The following ATP2B2 variants were observed in gnomAD, a reference collection of about 807,000 sequenced individuals.
ATP2B2 encodes ATPase plasma membrane Ca2+ transporting 2.
ATP2B2 carries 15 observed loss-of-function variants against 120.0 expected under a neutral mutation model. The observed-to-expected ratio is 0.12, with a 90% CI of 0.08 to 0.19. The LOEUF is 0.19. Among genes scored for constraint, ATP2B2 ranks in the 10% least tolerant of loss-of-function variants. The pLI is 1.00. For synonymous variants in ATP2B2, 694 were observed against 700.3 expected (o/e 0.99, Z 0.14); for missense variants, 1,045 against 1,719.8 (o/e 0.61, Z 6.94).
intron 1 of ATP2B2, among the ~76,000 whole-genome samples, chr3:10,454,489 G>A (rs909651509): frequency 6.6e-6 from 1 of 152,172 alleles, no homozygotes; most frequent in African/African-American, 2.4e-5. Flanking sequence ...CCCTGAAGGC[G>A]ACTGATCTCA....
At chr3:10,504,271 C>T (rs1318496333) in intron 1 of ATP2B2, among the ~76,000 whole-genome samples, 1 of 152,142 alleles carries the variant, frequency 6.6e-6, no homozygotes, top group African/African-American at 2.4e-5. Flanking sequence ...TCCAAGCCCC[C>T]TCCTACTGCA....
chr3:10,602,965 C>T (rs2068963311), intron 2 of ATP2B2, among the ~76,000 whole-genome samples: 1 of 152,234 alleles, frequency 6.6e-6, no homozygotes, highest in Admixed American at 6.5e-5. Flanking sequence ...AACTTCTCAG[C>T]ACCCTCTCTT....
chr3:10,587,800 C>T (rs75973428), intron 2 of ATP2B2, among the ~76,000 whole-genome samples: 129 of 152,124 alleles, frequency 8.5e-4, no homozygotes, highest in East Asian at 4.4e-3. Flanking sequence ...GCTCTTAGTG[C>T]GTAGAAACAA....
intron 3 of ATP2B2, among the ~76,000 whole-genome samples, chr3:10,406,996 C>T (rs1227941244): frequency 1.3e-5 from 2 of 152,236 alleles, no homozygotes; most frequent in East Asian, 3.8e-4. Flanking sequence ...GTGCTGCCAC[C>T]ATGTTGTATT....
intron 1 of ATP2B2, among the ~76,000 whole-genome samples, chr3:10,504,567 C>CA (rs1052104842): frequency 6.6e-6 from 1 of 151,932 alleles, no homozygotes; most frequent in Non-Finnish European, 1.5e-5. Context: ...AGAGCACCCC[C>CA]CCAACCCCCA....
At chr3:10,688,533 AT>A (rs1343247335) in intron 1 of ATP2B2, among the ~76,000 whole-genome samples, 1 of 152,190 alleles carries the variant, frequency 6.6e-6, no homozygotes, top group African/African-American at 2.4e-5. Context: ...GTCCAACTCC[AT>A]TTTAGTTATA....
At chr3:10,355,795 C>CCTGAGGCAGGGAGGCA (rs1574995047) in intron 14 of ATP2B2, among the ~76,000 whole-genome samples, 183 of 29,380 alleles carry the variant, frequency 6.2e-3, no homozygotes, top group East Asian at 0.25. Context: ...CCTTTCCGGC[C>CCTGAGGCAGGGAGGCA]GGGCGCGGTG....
In ATP2B2 at chr3:10,359,817, CT is replaced by C. The variant is rs1000913367; in HGVS notation, c.1901+64del. 90 of 1,609,926 alleles carry C rather than the reference CT, an allele frequency of 5.6e-5. No homozygotes were observed. The African/African-American group carries it at 1.0e-3, about 18-fold the overall frequency. On this transcript the variant is annotated intron_variant, in intron 13 of 22. Coordinates refer to ENST00000360273, the MANE Select transcript of ATP2B2 (RefSeq NM_001001331.4). Reference sequence around the variant, plus strand: ...GGATGGCGGCCAGTGCTATATGACCCTGACATCCCCAGCTCCCTGCACCAGG... The same window carrying C: ...GGATGGCGGCCAGTGCTATATGACCCGACATCCCCAGCTCCCTGCACCAGG...
chr3:10,464,504 C>T (rs1303267053), intron 1 of ATP2B2, among the ~76,000 whole-genome samples: 1 of 152,148 alleles, frequency 6.6e-6, no homozygotes, highest in Non-Finnish European at 1.5e-5. Context: ...AGCTCCACAC[C>T]ATAGCATGAC....
intron 1 of ATP2B2, among the ~76,000 whole-genome samples, chr3:10,670,226 G>A (rs899964489): frequency 7.2e-5 from 11 of 152,222 alleles, no homozygotes; most frequent in Non-Finnish European, 1.2e-4. Flanking sequence ...TTCGCTGGAG[G>A]ATGCTGCTTG....
intron 12 of ATP2B2, among the ~76,000 whole-genome samples, chr3:10,366,175 C>T (rs574741186): frequency 2.6e-5 from 4 of 152,250 alleles, no homozygotes; most frequent in African/African-American, 7.2e-5. Context: ...GAGGCTCACT[C>T]GAATATTAGA....
intron 2 of ATP2B2, among the ~76,000 whole-genome samples, chr3:10,593,904 G>A (rs567677626): frequency 6.6e-6 from 1 of 152,110 alleles, no homozygotes; most frequent in Non-Finnish European, 1.5e-5. Flanking sequence ...CAAGTGGGCG[G>A]AGGATATGAA....
chr3:10,386,412 A>G, intron 7 of ATP2B2, 68 bp downstream of exon 7: 1 of 1,503,968 alleles, frequency 6.6e-7, no homozygotes, highest in Non-Finnish European at 9.3e-7. Flanking sequence ...GTCTAGGGGC[A>G]GGGCCCAATG....
At position 10,674,505 on chromosome 3, in the gene ATP2B2, G is replaced by A. The variant is rs116810391; in HGVS notation, c.-460+33410C>T. The stretch of plus-strand genomic sequence containing the variant: ...CATAGCAAGTGCCTCACAAAGCAAG[G>A]GACACACAGCTGCAAAGTGATGAGT... On this transcript the variant is annotated intron_variant, in intron 1 of 21. Transcript: ENST00000646379. Among the ~76,000 whole-genome samples the A allele has an allele frequency of 2.2e-3, 331 of 152,220 alleles. 3 individuals are homozygous for A. Among genetic ancestry groups the A allele is most frequent in the African/African-American group, 7.5e-3 (312 of 41,510 alleles).
At chr3:10,487,443 A>C (rs2065733793) in intron 1 of ATP2B2, among the ~76,000 whole-genome samples, 1 of 152,226 alleles carries the variant, frequency 6.6e-6, no homozygotes, top group South Asian at 2.1e-4. Context: ...TAGGATCTCC[A>C]CTGAGGCTGT....
intron 9 of ATP2B2, 128 bp downstream of exon 9, chr3:10,379,115 G>A (rs1364951351): frequency 3.3e-5 from 38 of 1,160,072 alleles, no homozygotes; most frequent in Non-Finnish European, 3.8e-5. Flanking sequence ...CCCCAAGGTC[G>A]TCAGACACCT....
At chr3:10,486,614 A>AC (rs1449487546) in intron 1 of ATP2B2, among the ~76,000 whole-genome samples, 1 of 151,912 alleles carries the variant, frequency 6.6e-6, no homozygotes, top group African/African-American at 2.4e-5. Context: ...CTTGAACATC[A>AC]CCTACTAGCA....
intron 1 of ATP2B2, among the ~76,000 whole-genome samples, chr3:10,477,028 T>A (rs1285265729): frequency 6.6e-6 from 1 of 152,202 alleles, no homozygotes; most frequent in African/African-American, 2.4e-5. Flanking sequence ...GAAGGTGACC[T>A]GAGGTAGGCT....
intron 1 of ATP2B2, among the ~76,000 whole-genome samples, chr3:10,703,110 T>C (rs2071843284): frequency 6.6e-6 from 1 of 152,176 alleles, no homozygotes; most frequent in Admixed American, 6.5e-5. Flanking sequence ...CCGTCATTCT[T>C]CAAAGGTCTC....
Sources: gnomAD v4.1 joint callset for allele counts (sites outside exome capture counted in the v4.1 genomes callset) on GRCh38, gnomAD v4.1.1 for gene constraint, MANE v1.5 for transcripts, NCBI Gene and HGNC (gene_info 2026-07-23, HGNC 2026-07-21) for gene names.